Variants in FBXL17 observed in about 807,000 individuals in gnomAD.
FBXL17 encodes F-box and leucine rich repeat protein 17.
FBXL17 carries 22 observed loss-of-function variants against 66.2 expected under a neutral mutation model. That is an observed-to-expected ratio of 0.33 (90% CI 0.24 to 0.47). The LOEUF (loss-of-function observed/expected upper bound fraction) is 0.47. Ranked by LOEUF, FBXL17 falls within the 20% of genes least tolerant of loss-of-function variation. FBXL17 has a pLI of 1.00. For synonymous variants in FBXL17, 474 were observed against 400.5 expected (o/e 1.18, Z -2.19); for missense variants, 878 against 948.2 (o/e 0.93, Z 0.97).
chr5:108,373,510 GACAA>G (rs1390910127), intron 1 of FBXL17, among the ~76,000 whole-genome samples: 2 of 150,980 alleles, frequency 1.3e-5, no homozygotes, highest in African/African-American at 4.9e-5. Context: ...CAGAGGAATT[GACAA>G]ACAAAAAATA....
intron 6 of FBXL17, among the ~76,000 whole-genome samples, chr5:108,118,755 T>C (rs1045860922): frequency 6.6e-6 from 1 of 152,212 alleles, no homozygotes; most frequent in African/African-American, 2.4e-5. Flanking sequence ...CTTACCTCTC[T>C]AGACCCCTCT....
rs571104154 is a variant in FBXL17, at chr5:108,106,272, G to A, written c.1745+79845C>T. 1.2e-3 allele frequency among the ~76,000 whole-genome samples: 180 copies of A among 152,268 alleles called. No individual in the cohort carries two copies. In the Middle Eastern group the frequency reaches 0.014, roughly 12 times the overall value. On this transcript the variant is annotated intron_variant, in intron 6 of 8. Transcript: ENST00000542267. The stretch of plus-strand genomic sequence containing the variant: ...GAAAAGACAGATAATAACAAGTGTT[G>A]GCAAGAATGTGTAGAAATTAGACTC...
At chr5:108,196,140 A>G (rs551827022) in intron 5 of FBXL17, among the ~76,000 whole-genome samples, 2 of 152,188 alleles carry the variant, frequency 1.3e-5, no homozygotes, top group South Asian at 4.1e-4. Flanking sequence ...ATTCTGAATT[A>G]ATTGATTGAA....
intron 6 of FBXL17, among the ~76,000 whole-genome samples, chr5:108,101,441 T>C (rs566538907): frequency 3.1e-4 from 47 of 152,352 alleles, no homozygotes; most frequent in African/African-American, 1.1e-3. Context: ...CCATTCAGTA[T>C]AAACTTAGTG....
chr5:107,872,690 A>G (rs1561512546), intron 8 of FBXL17, among the ~76,000 whole-genome samples: 1 of 152,230 alleles, frequency 6.6e-6, no homozygotes, highest in African/African-American at 2.4e-5. Flanking sequence ...AAGGAAAGAG[A>G]CGAAGGTAGG....
intron 6 of FBXL17, among the ~76,000 whole-genome samples, chr5:108,099,154 A>T (rs1215125896): frequency 1.3e-5 from 2 of 152,152 alleles, no homozygotes; most frequent in Non-Finnish European, 2.9e-5. Flanking sequence ...CCATCCCCCA[A>T]CTAAGCAATA....
At chr5:108,187,840 G>A (rs114762684) in intron 5 of FBXL17, among the ~76,000 whole-genome samples, 2,016 of 152,214 alleles carry the variant, frequency 0.013, 53 homozygotes, top group African/African-American at 0.047. Flanking sequence ...ATAATAAACT[G>A]GTACTGTTTT....
chr5:108,335,359 T>C (rs1304386698), intron 4 of FBXL17, among the ~76,000 whole-genome samples: 1 of 141,618 alleles, frequency 7.1e-6, no homozygotes, highest in East Asian at 2.0e-4. Context: ...AAAAAATACG[T>C]TTTTTTTTTA....
At chr5:107,928,316 C>T (rs1750603316) in intron 7 of FBXL17, among the ~76,000 whole-genome samples, 1 of 151,954 alleles carries the variant, frequency 6.6e-6, no homozygotes, top group African/African-American at 2.4e-5. Context: ...CAGTGGCAAT[C>T]CATCACACCA....
chr5:107,919,486 C>T (rs1351615103), intron 7 of FBXL17, among the ~76,000 whole-genome samples: 3 of 152,190 alleles, frequency 2.0e-5, no homozygotes, highest in Non-Finnish European at 2.9e-5. Context: ...ACAGTGGGTT[C>T]TCACCTCACT....
chr5:107,928,948 T>TA (rs547299944), intron 7 of FBXL17, among the ~76,000 whole-genome samples: 19 of 152,188 alleles, frequency 1.2e-4, no homozygotes, highest in Non-Finnish European at 2.1e-4. Context: ...ACTGACACCA[T>TA]AAAAAAGAAA....
chr5:108,271,700 CTA>C (rs1757274074), intron 4 of FBXL17, among the ~76,000 whole-genome samples: 1 of 152,150 alleles, frequency 6.6e-6, no homozygotes, highest in Non-Finnish European at 1.5e-5. Context: ...CAAGATTTCT[CTA>C]TGTATCTATT....
intron 6 of FBXL17, among the ~76,000 whole-genome samples, chr5:108,066,760 T>C (rs1748131266): frequency 6.6e-6 from 1 of 152,098 alleles, no homozygotes; most frequent in South Asian, 2.1e-4. Context: ...GTTTTTATAA[T>C]TATAATGTTT....
At chr5:108,104,895 G>T (rs755420268) in intron 6 of FBXL17, among the ~76,000 whole-genome samples, 1 of 152,144 alleles carries the variant, frequency 6.6e-6, no homozygotes, top group Non-Finnish European at 1.5e-5. Flanking sequence ...GGCTTGGAGT[G>T]CAGTGGTGCC....
chr5:108,140,917 T>A (rs1406386656), intron 6 of FBXL17, among the ~76,000 whole-genome samples: 1 of 152,086 alleles, frequency 6.6e-6, no homozygotes, highest in Non-Finnish European at 1.5e-5. Flanking sequence ...TTTCTCCCTA[T>A]CCCTGCCTTC....
At chr5:107,885,537 A>G (rs1018787516) in intron 7 of FBXL17, among the ~76,000 whole-genome samples, 1 of 152,338 alleles carries the variant, frequency 6.6e-6, no homozygotes, top group African/African-American at 2.4e-5. Context: ...GAGTGCTCGA[A>G]TAACTATGCT....
At chr5:108,258,889 C>A (rs1756691918) in intron 4 of FBXL17, among the ~76,000 whole-genome samples, 1 of 151,626 alleles carries the variant, frequency 6.6e-6, no homozygotes. Context: ...TCTGAGAAAC[C>A]AATAGAAAAA....
intron 6 of FBXL17, among the ~76,000 whole-genome samples, chr5:108,154,332 G>C (rs1372902668): frequency 6.9e-6 from 1 of 144,562 alleles, no homozygotes; most frequent in Non-Finnish European, 1.5e-5. Flanking sequence ...GGTGGCTCAC[G>C]CCTGTAATCC....
chr5:108,042,375 G>A (rs1193018710), intron 6 of FBXL17, among the ~76,000 whole-genome samples: 1 of 152,094 alleles, frequency 6.6e-6, no homozygotes, highest in Non-Finnish European at 1.5e-5. Flanking sequence ...ATCACTAGAA[G>A]GATTCTTCAT....
Sources: allele counts gnomAD v4.1 joint callset (sites outside exome capture counted in the v4.1 genomes callset), GRCh38; gene constraint gnomAD v4.1.1; transcripts MANE v1.5; gene names NCBI Gene and HGNC (gene_info 2026-07-23, HGNC 2026-07-21).